Variants in GUCY1A2 observed in about 807,000 individuals in gnomAD.
GUCY1A2 encodes the protein guanylate cyclase 1 soluble subunit alpha 2.
In GUCY1A2, 27 loss-of-function variants were observed where a neutral mutation model predicts 63.5. The ratio of observed to expected loss-of-function variants is 0.43; its 90% CI spans 0.31 to 0.59. GUCY1A2 has a LOEUF of 0.59. GUCY1A2 is among the 20% of genes least tolerant of loss of function. The pLI is 0.11. For synonymous variants in GUCY1A2, 364 were observed against 343.5 expected, an observed-to-expected ratio of 1.06 and a Z score of -0.66; for missense variants, 768 against 913.3, an observed-to-expected ratio of 0.84 and a Z score of 2.05.
chr11:106,745,197 C>A (rs910944407), intron 6 of GUCY1A2, among the ~76,000 whole-genome samples: 1 of 152,156 alleles, frequency 6.6e-6, no homozygotes, highest in African/African-American at 2.4e-5. Flanking sequence ...TATATTTAGA[C>A]TGAAAACTAG....
chr11:106,941,665 A>G (rs1038887194), intron 3 of GUCY1A2, among the ~76,000 whole-genome samples: 10 of 152,170 alleles, frequency 6.6e-5, no homozygotes, highest in Non-Finnish European at 1.2e-4. Flanking sequence ...TCATTCCCTG[A>G]GTGTTCCTCC....
intron 4 of GUCY1A2, among the ~76,000 whole-genome samples, chr11:106,841,843 T>C (rs1015455363): frequency 1.3e-5 from 2 of 151,902 alleles, no homozygotes; most frequent in African/African-American, 4.8e-5. Flanking sequence ...AATGAAACCT[T>C]TCCATTAGAA....
At chr11:106,885,170 C>G (rs1474343591) in intron 4 of GUCY1A2, among the ~76,000 whole-genome samples, 3 of 152,118 alleles carry the variant, frequency 2.0e-5, no homozygotes. Context: ...ATGGTGATAA[C>G]ATTTACCAGG....
intron 4 of GUCY1A2, among the ~76,000 whole-genome samples, chr11:106,880,287 A>G (rs1427209910): frequency 6.6e-6 from 1 of 152,044 alleles, no homozygotes; most frequent in Non-Finnish European, 1.5e-5. Context: ...GTGGAATGCA[A>G]GCCCATACAG....
chr11:106,709,580 T>C (rs1413457698), intron 6 of GUCY1A2, among the ~76,000 whole-genome samples: 1 of 106,696 alleles, frequency 9.4e-6, no homozygotes, highest in African/African-American at 3.6e-5. Flanking sequence ...GTGTATATAA[T>C]ATATAGTTAT....
chr11:106,915,721 T>C (rs1198205652), intron 4 of GUCY1A2, among the ~76,000 whole-genome samples: 1 of 145,046 alleles, frequency 6.9e-6, no homozygotes, highest in Admixed American at 6.9e-5. Context: ...AATTTTAATA[T>C]AAATGAGCCA....
chr11:107,007,999 C>A (rs2120200406), intron 1 of GUCY1A2, among the ~76,000 whole-genome samples: 1 of 149,848 alleles, frequency 6.7e-6, no homozygotes, highest in South Asian at 2.1e-4. Context: ...ATCATACTAT[C>A]CGGCCTGGTG....
At chr11:106,773,259 A>C (rs184340973) in intron 6 of GUCY1A2, among the ~76,000 whole-genome samples, 3 of 151,778 alleles carry the variant, frequency 2.0e-5, no homozygotes, top group African/African-American at 7.2e-5. Flanking sequence ...TCCAGTTTTA[A>C]ACTTTAGTTA....
At chr11:106,886,584 T>C (rs1409463972) in intron 4 of GUCY1A2, among the ~76,000 whole-genome samples, 1 of 152,158 alleles carries the variant, frequency 6.6e-6, no homozygotes, top group Non-Finnish European at 1.5e-5. Context: ...CAATGATCTG[T>C]ACAACTGTTT....
intron 6 of GUCY1A2, among the ~76,000 whole-genome samples, chr11:106,742,350 C>A (rs1863709762): frequency 6.6e-6 from 1 of 152,120 alleles, no homozygotes; most frequent in African/African-American, 2.4e-5. Flanking sequence ...CACTCACTAC[C>A]CACTGAAGGG....
intron 4 of GUCY1A2, among the ~76,000 whole-genome samples, chr11:106,888,907 G>T (rs1365471281): frequency 6.6e-6 from 1 of 151,924 alleles, no homozygotes; most frequent in Non-Finnish European, 1.5e-5. Context: ...GAGAGCTATA[G>T]ATAATACAAA....
At chr11:106,871,841 A>G (rs946881052) in intron 4 of GUCY1A2, among the ~76,000 whole-genome samples, 19 of 152,232 alleles carry the variant, frequency 1.2e-4, no homozygotes, top group South Asian at 1.0e-3. Flanking sequence ...TATTTAACAG[A>G]CTCATTATGA....
intron 3 of GUCY1A2, among the ~76,000 whole-genome samples, chr11:106,957,855 CTTTTTTT>C (rs59519013): frequency 0.013 from 1,103 of 87,096 alleles, 31 homozygotes; most frequent in African/African-American, 0.042. Context: ...AAGGGACAAA[CTTTTTTT>C]TTTTTTTTTT....
chr11:106,902,841 G>A (rs1860152906), intron 4 of GUCY1A2, among the ~76,000 whole-genome samples: 2 of 152,074 alleles, frequency 1.3e-5, no homozygotes, highest in South Asian at 2.1e-4. Flanking sequence ...ATGACTTAAA[G>A]TATACAGGAG....
chr11:106,874,146 T>C (rs1461806962), intron 4 of GUCY1A2, among the ~76,000 whole-genome samples: 3 of 152,282 alleles, frequency 2.0e-5, no homozygotes, highest in Admixed American at 2.0e-4. Context: ...TCTAGCACAA[T>C]GTCTTCTAAT....
Position 106,708,533 on chromosome 11 carries a change from T to C in GUCY1A2, c.1970A>G (p.Asn657Ser), listed in dbSNP as rs200176077. Residue 657 changes from asparagine to serine, a missense_variant, in exon 7 of 8, where the codon AAT becomes AGT. Asn to Ser is a conservative substitution (Grantham distance 46). This residue lies in a region of GUCY1A2 where 150 missense variants were observed against 188.3 expected (regional missense o/e 0.80). Coordinates refer to ENST00000526355, the MANE Select transcript of GUCY1A2 (RefSeq NM_000855.3). Reference sequence around the variant, plus strand: ...TTACTGGTAAGTGGTTGGGCTGACATTGATGCGCCGAGGGTGACTTCCCGA... The same window carrying C: ...TTACTGGTAAGTGGTTGGGCTGACACTGATGCGCCGAGGGTGACTTCCCGA... ...FESGSHPRRI[N>S]VSPTTYQLLK... is the part of the protein sequence containing the mutation. 1.7e-5 allele frequency: 27 copies of C among 1,612,488 alleles called. No individual in the cohort carries two copies. Among genetic ancestry groups the C allele is most frequent in the African/African-American group, 2.7e-5 (2 of 74,876 alleles).
chr11:106,826,857 C>T, intron 4 of GUCY1A2: 1 of 1,604,642 alleles, frequency 6.2e-7, no homozygotes, highest in Non-Finnish European at 8.5e-7. Context: ...GGGATGTGTG[C>T]ATATGATCAT....
chr11:106,825,052 A>G, intron 4 of GUCY1A2: 3 of 1,106,168 alleles, frequency 2.7e-6, no homozygotes, highest in Non-Finnish European at 3.9e-6. Context: ...AGAATTTCAT[A>G]GATATTTTAT....
rs570836100 is a variant in GUCY1A2, at chr11:106,943,352, G to A, written c.488-3174C>T. 2.0e-5 allele frequency among the ~76,000 whole-genome samples: 3 copies of A among 152,152 alleles called. No homozygotes were observed. The South Asian group carries it at 6.2e-4, about 32-fold the overall frequency. On this transcript the variant is annotated intron_variant, in intron 3 of 7. Transcript: ENST00000526355. ...AGATTCTATGACAGCTTGACATCTG[G>A]GTCTATAAGAATACATTTCCTCAAG...
Sources: gnomAD v4.1 joint callset for allele counts (sites outside exome capture counted in the v4.1 genomes callset) on GRCh38, gnomAD v4.1.1 for gene constraint, gnomAD v4.1.1 regional missense constraint, MANE v1.5 for transcripts, NCBI Gene and HGNC (gene_info 2026-07-23, HGNC 2026-07-21) for gene names.